The following MAP3K7CL variants were observed in gnomAD, a reference collection of about 807,000 sequenced individuals.
The protein encoded by MAP3K7CL is MAP3K7 C-terminal like.
Under a neutral mutation model 18.6 loss-of-function variants are expected in MAP3K7CL, and 16 were observed. The ratio of observed to expected loss-of-function variants is 0.86; its 90% CI spans 0.58 to 1.31. The LOEUF is 1.31. Ranked by LOEUF, MAP3K7CL falls within the 50% of genes most tolerant of loss-of-function variation. MAP3K7CL has a pLI of 0.00. For missense variants in MAP3K7CL, 163 were observed against 174.4 expected (o/e 0.93, Z 0.37); for synonymous variants, 65 against 66.8 (o/e 0.97, Z 0.13).
chr21:29,078,580 C>G (rs2085786630), intron 1 of MAP3K7CL, among the ~76,000 whole-genome samples: 1 of 152,144 alleles, frequency 6.6e-6, no homozygotes, highest in Admixed American at 6.5e-5. Context: ...TCCATGCAAT[C>G]AAGAAAGGTA....
chr21:29,169,666 G>A (rs2087775718), intron 4 of MAP3K7CL, among the ~76,000 whole-genome samples: 1 of 152,118 alleles, frequency 6.6e-6, no homozygotes, highest in Non-Finnish European at 1.5e-5. Flanking sequence ...CCCTTGTAGT[G>A]GTCTCCTCAG....
At chr21:29,095,831 C>G (rs1329438706) in intron 4 of MAP3K7CL, among the ~76,000 whole-genome samples, 6 of 152,078 alleles carry the variant, frequency 3.9e-5, no homozygotes, top group Non-Finnish European at 8.8e-5. Context: ...CTTTGAGTAG[C>G]AAGACTAAAG....
intron 4 of MAP3K7CL, among the ~76,000 whole-genome samples, chr21:29,106,061 G>A (rs1402019756): frequency 6.6e-6 from 1 of 152,122 alleles, no homozygotes; most frequent in Non-Finnish European, 1.5e-5. Context: ...TAGGCTCTAA[G>A]ATCAAGCCAG....
upstream of MAP3K7CL, among the ~76,000 whole-genome samples, chr21:29,125,765 G>C (rs769948911): frequency 5.3e-5 from 8 of 152,114 alleles, no homozygotes; most frequent in Admixed American, 2.0e-4. Flanking sequence ...AAGGCTTCCT[G>C]GGAAACCTGG....
chr21:29,133,489 C>T (rs1349743842), intron 2 of MAP3K7CL, 75 bp downstream of exon 2: 11 of 1,155,754 alleles, frequency 9.5e-6, no homozygotes, highest in Non-Finnish European at 1.3e-5. Flanking sequence ...TGCCACGCCT[C>T]TGTGGAAAAT....
intron 3 of MAP3K7CL, among the ~76,000 whole-genome samples, chr21:29,152,368 C>T (rs1304988744): frequency 1.3e-5 from 2 of 152,132 alleles, no homozygotes; most frequent in African/African-American, 4.8e-5. Flanking sequence ...GCTTTATGTA[C>T]AAAAGGAACA....
At chr21:29,113,479 C>G (rs2086453945) in intron 4 of MAP3K7CL, among the ~76,000 whole-genome samples, 1 of 152,118 alleles carries the variant, frequency 6.6e-6, no homozygotes, top group African/African-American at 2.4e-5. Flanking sequence ...CACCTGGTTG[C>G]TCGCTCTGTG....
intron 4 of MAP3K7CL, chr21:29,109,383 CAG>C: frequency 1.5e-6 from 2 of 1,338,834 alleles, no homozygotes; most frequent in South Asian, 2.0e-5. Flanking sequence ...TCCTTGAAAT[CAG>C]AGAGAGCTTT....
intron 4 of MAP3K7CL, among the ~76,000 whole-genome samples, chr21:29,164,050 A>T (rs2087623297): frequency 5.3e-5 from 8 of 151,802 alleles, no homozygotes; most frequent in Admixed American, 5.3e-4. Flanking sequence ...CAGTGAGCCT[A>T]GATCACACCA....
rs527997426 is a variant in MAP3K7CL at position 29,099,126 on chromosome 21, T to A, written c.370+6545T>A. 1.8e-4 allele frequency among the ~76,000 whole-genome samples: 27 copies of A among 152,210 alleles called. No individual in the cohort carries two copies. The South Asian group carries it at 2.3e-3, about 13-fold the overall frequency. Reference sequence around the variant, plus strand: ...TTTCTTTTTGAGACAGGGCCTGCTCTTTCCCCCAGGCTGGAGTTCAGTGGT... The same window carrying A: ...TTTCTTTTTGAGACAGGGCCTGCTCATTCCCCCAGGCTGGAGTTCAGTGGT... On this transcript the variant is annotated intron_variant, in intron 4 of 6. Coordinates refer to the MAP3K7CL transcript ENST00000286791.
At chr21:29,134,596 C>T (rs1010942224) in intron 2 of MAP3K7CL, among the ~76,000 whole-genome samples, 6 of 152,148 alleles carry the variant, frequency 3.9e-5, no homozygotes, top group African/African-American at 7.2e-5. Context: ...CATGATCTGC[C>T]GTTGTACTGT....
chr21:29,160,425 C>G (rs2087518556), intron 4 of MAP3K7CL, among the ~76,000 whole-genome samples: 2 of 152,206 alleles, frequency 1.3e-5, no homozygotes, highest in East Asian at 3.8e-4. Context: ...GTGAAGAAGC[C>G]ACTGGGATAG....
chr21:29,145,223 A>G (rs2087100518), intron 2 of MAP3K7CL, among the ~76,000 whole-genome samples: 1 of 150,360 alleles, frequency 6.7e-6, no homozygotes, highest in African/African-American at 2.4e-5. Flanking sequence ...AAATTTTAAT[A>G]AAAATGTACT....
At chr21:29,116,979 A>C (rs2832191) in intron 4 of MAP3K7CL, among the ~76,000 whole-genome samples, 67,226 of 151,962 alleles carry the variant, frequency 0.44, 15,142 homozygotes, top group East Asian at 0.64. Context: ...TAATTTGGCA[A>C]CTGGTGAAAT....
intron 4 of MAP3K7CL, among the ~76,000 whole-genome samples, chr21:29,119,662 CTT>C (rs58443653): frequency 5.9e-5 from 8 of 135,092 alleles, no homozygotes; most frequent in Admixed American, 7.7e-5. Context: ...AATCCTAAAA[CTT>C]TTTTTTTTTT....
At chr21:29,086,905 G>A (rs8133638) in intron 1 of MAP3K7CL, among the ~76,000 whole-genome samples, 2,736 of 152,196 alleles carry the variant, frequency 0.018, 90 homozygotes, top group African/African-American at 0.062. Context: ...TGCTTTATGC[G>A]TGTTATCTCA....
chr21:29,172,019 C>T (rs1229991927), intron 4 of MAP3K7CL, among the ~76,000 whole-genome samples: 2 of 151,024 alleles, frequency 1.3e-5, no homozygotes, highest in Non-Finnish European at 3.0e-5. Flanking sequence ...TGTGTGTCAT[C>T]ATGCTCCACA....
intron 1 of MAP3K7CL, among the ~76,000 whole-genome samples, chr21:29,091,313 C>T (rs1321337207): frequency 1.3e-5 from 2 of 152,162 alleles, no homozygotes; most frequent in Non-Finnish European, 2.9e-5. Flanking sequence ...CCTGTGTTCC[C>T]TCTAAGAGAC....
intron 4 of MAP3K7CL, among the ~76,000 whole-genome samples, chr21:29,107,302 G>A (rs933565006): frequency 6.6e-6 from 1 of 151,958 alleles, no homozygotes; most frequent in Non-Finnish European, 1.5e-5. Flanking sequence ...GCAACAGAGC[G>A]AGACTCCATC....
Sources: allele counts gnomAD v4.1 joint callset (sites outside exome capture counted in the v4.1 genomes callset), GRCh38; gene constraint gnomAD v4.1.1; transcripts MANE v1.5; gene names NCBI Gene and HGNC (gene_info 2026-07-23, HGNC 2026-07-21).